The following UGT2B10 variants were observed in gnomAD, a reference collection of about 807,000 sequenced individuals.
The protein encoded by UGT2B10 is UDP-glucuronosyltransferase 2B10.
Under a neutral mutation model 43.7 loss-of-function variants are expected in UGT2B10, and 51 were observed. That is an observed-to-expected ratio of 1.17 (90% CI 0.93 to 1.47). The LOEUF is 1.47. Among genes scored for constraint, UGT2B10 ranks in the 40% most tolerant of loss-of-function variants. The pLI is 0.00. For synonymous variants in UGT2B10, 225 were observed against 209.0 expected, an observed-to-expected ratio of 1.08 and a Z score of -0.66; for missense variants, 696 against 617.7, an observed-to-expected ratio of 1.13 and a Z score of -1.34.
intron 3 of UGT2B10, among the ~76,000 whole-genome samples, chr4:68,825,221 A>C (rs1737712009): frequency 7.4e-6 from 1 of 134,570 alleles, no homozygotes; most frequent in South Asian, 2.6e-4. Context: ...AAAACAAAAT[A>C]AACATATAGG....
chr4:68,822,392 T>A lies in UGT2B10; in HGVS notation c.989T>A (p.Ile330Asn), dbSNP rs782243710. 10 of 1,613,484 alleles carry A rather than the reference T, an allele frequency of 6.2e-6. No homozygotes were observed. In the South Asian group the frequency reaches 1.1e-4, roughly 18 times the overall value. Residue 330 changes from isoleucine (I) to asparagine (N), a missense_variant, in exon 3 of 6, where the codon ATC (isoleucine) becomes AAC (asparagine). Transcript: ENST00000265403. ...GTAATTGCAACAGCCCTTGCCAAGA[T>A]CCCACAAAAGGTAAGATAAAGTGCC... ...ANVIATALAKIPQKVLWRFDG... is the reference protein window; with the variant it reads ...ANVIATALAKNPQKVLWRFDG...
chr4:68,825,872 G>C (rs1258886666), intron 3 of UGT2B10, among the ~76,000 whole-genome samples: 1 of 152,024 alleles, frequency 6.6e-6, no homozygotes, highest in East Asian at 1.9e-4. Flanking sequence ...GGATTGCTGG[G>C]TTTCATGGTA....
rs770033962 is a variant in UGT2B10, at chr4:68,830,673, T to A, written c.1381T>A (p.Phe461Ile). The change falls in exon 6 of 6, where the codon TTC becomes ATC. Residue 461 changes from phenylalanine (F) to isoleucine (I), a missense_variant. Transcript: ENST00000265403. ...QPVKPLDRAV[F>I]WIEFVMRHKG... Reference sequence around the variant, plus strand: ...AGTGAAGCCCCTGGATCGAGCAGTCTTCTGGATTGAATTTGTCATGCGCCA... The same window carrying A: ...AGTGAAGCCCCTGGATCGAGCAGTCATCTGGATTGAATTTGTCATGCGCCA... The A allele has an allele frequency of 1.2e-6, 2 of 1,613,256 alleles. 1 individual carries two copies. The highest frequency in any genetic ancestry group is 3.3e-5 in the Admixed American group (2 of 59,928).
At chr4:68,828,648 G>T (rs116617571) in intron 5 of UGT2B10, among the ~76,000 whole-genome samples, 9 of 151,764 alleles carry the variant, frequency 5.9e-5, no homozygotes, top group African/African-American at 2.2e-4. Context: ...GACATAAAAC[G>T]TTTGAAGAAC....
At chr4:68,820,042 T>C (rs1160171804) in intron 2 of UGT2B10, among the ~76,000 whole-genome samples, 1 of 151,912 alleles carries the variant, frequency 6.6e-6, no homozygotes, top group South Asian at 2.1e-4. Context: ...GTAAGACTAA[T>C]GAAAAATATA....
intron 3 of UGT2B10, among the ~76,000 whole-genome samples, chr4:68,825,555 C>G (rs1229317070): frequency 6.6e-6 from 1 of 152,042 alleles, no homozygotes; most frequent in Non-Finnish European, 1.5e-5. Context: ...GTGTTCTCAT[C>G]TTTTAGCTTC....
intron 1 of UGT2B10, among the ~76,000 whole-genome samples, chr4:68,816,943 T>C (rs1197502725): frequency 6.6e-6 from 1 of 151,826 alleles, no homozygotes; most frequent in East Asian, 1.9e-4. Flanking sequence ...CCATCACTCA[T>C]ACAGAACACC....
chr4:68,816,762 A>G (rs376492506), intron 1 of UGT2B10, 25 bp downstream of exon 1: 2 of 1,536,308 alleles, frequency 1.3e-6, no homozygotes, highest in Non-Finnish European at 1.8e-6. Flanking sequence ...AATTAGTAAC[A>G]TGAAGCTCTA....
At chr4:68,829,873 A>T (rs934433229) in intron 5 of UGT2B10, among the ~76,000 whole-genome samples, 2 of 152,074 alleles carry the variant, frequency 1.3e-5, no homozygotes, top group Non-Finnish European at 2.9e-5. Context: ...GTTGGATTTT[A>T]TTCTTAAAAT....
chr4:68,829,340 A>G (rs1406038728), intron 5 of UGT2B10, among the ~76,000 whole-genome samples: 1 of 152,078 alleles, frequency 6.6e-6, no homozygotes, highest in Non-Finnish European at 1.5e-5. Context: ...AATGGTTCAG[A>G]AAAAGAGAGC....
chr4:68,830,718 C>A lies in UGT2B10; in HGVS notation c.1426C>A (p.Arg476=), dbSNP rs754651977. The A allele has an allele frequency of 6.2e-7, 1 of 1,613,442 alleles. No homozygotes were observed. Among genetic ancestry groups the A allele is most frequent in the Non-Finnish European group, 8.5e-7 (1 of 1,179,544 alleles). ...VMRHKGAKHL[R]VAAHNLTWFQ... is the part of the protein sequence containing the mutation. The stretch of plus-strand genomic sequence containing the variant: ...GCGCCACAAAGGAGCCAAACATCTT[C>A]GAGTTGCAGCCCACAACCTCACCTG... Residue 476 remains arginine, a synonymous_variant, in exon 6 of 6, where the codon CGA becomes AGA. Transcript: ENST00000265403.
chr4:68,816,607 T>C lies in UGT2B10; in HGVS notation c.588T>C (p.Val196=), dbSNP rs781022832. 87 of 1,612,870 alleles carry C rather than the reference T, an allele frequency of 5.4e-5. No homozygotes were observed. Among genetic ancestry groups the C allele is most frequent in the Non-Finnish European group, 6.8e-5 (80 of 1,179,310 alleles). ...FIFPPSYVPV[V]MSKLSDQMTF... ...TCCCTCCTTCCTACGTACCTGTTGT[T>C]ATGTCAAAATTAAGTGATCAAATGA... Residue 196 remains valine (V), a synonymous_variant, in exon 1 of 6, where the codon GTT becomes GTC. Coordinates refer to ENST00000265403, the MANE Select transcript of UGT2B10 (RefSeq NM_001075.6).
At chr4:68,826,564 C>A in intron 4 of UGT2B10, 67 bp downstream of exon 4, 5 of 1,501,036 alleles carry the variant, frequency 3.3e-6, no homozygotes, top group East Asian at 2.4e-5. Context: ...TAGTTCATCT[C>A]GAAGCATGCT....
chr4:68,822,802 G>T (rs1737577015), intron 3 of UGT2B10, among the ~76,000 whole-genome samples: 1 of 152,096 alleles, frequency 6.6e-6, no homozygotes, highest in Non-Finnish European at 1.5e-5. Context: ...TGACTTTCAG[G>T]TGTTTTCAAC....
chr4:68,823,177 G>A (rs536692755), intron 3 of UGT2B10, among the ~76,000 whole-genome samples: 1 of 152,138 alleles, frequency 6.6e-6, no homozygotes, highest in African/African-American at 2.4e-5. Context: ...GGAGAGTAGG[G>A]GAGTAAAAAG....
intron 3 of UGT2B10, among the ~76,000 whole-genome samples, chr4:68,824,385 C>A (rs973738413): frequency 2.6e-5 from 4 of 152,272 alleles, no homozygotes; most frequent in Non-Finnish European, 2.9e-5. Flanking sequence ...CACAAGGACT[C>A]AGCACTAATT....
chr4:68,831,525 T>A lies in UGT2B10; in HGVS notation c.*646T>A, dbSNP rs949025245. 5.3e-4 allele frequency among the ~76,000 whole-genome samples: 81 copies of A among 152,204 alleles called. 1 individual carries two copies. Among genetic ancestry groups the A allele is most frequent in the Non-Finnish European group, 1.1e-3 (74 of 67,996 alleles). ...GATATTCTTGAAATCAGAAATGTGCTCCCTAATTATATGAAATGTTGTTTG... is the reference window on the plus strand; with the variant it reads ...GATATTCTTGAAATCAGAAATGTGCACCCTAATTATATGAAATGTTGTTTG... On this transcript the variant is annotated 3_prime_UTR_variant, in exon 6 of 6. Coordinates refer to ENST00000265403, the MANE Select transcript of UGT2B10 (RefSeq NM_001075.6).
intron 3 of UGT2B10, 49 bp downstream of exon 3, chr4:68,822,451 T>C: frequency 1.9e-6 from 3 of 1,608,172 alleles, no homozygotes; most frequent in South Asian, 1.1e-5. Context: ...AAGAGGCTGT[T>C]AAAGTTTGTG....
intron 1 of UGT2B10, 22 bp from the exon 2 acceptor site, chr4:68,818,007 T>G: frequency 6.3e-7 from 1 of 1,596,566 alleles, no homozygotes; most frequent in Non-Finnish European, 8.5e-7. Context: ...CATCCACTTC[T>G]TCTTTTCTTT....
Sources: allele counts gnomAD v4.1 joint callset (sites outside exome capture counted in the v4.1 genomes callset), GRCh38; gene constraint gnomAD v4.1.1; transcripts MANE v1.5; gene names NCBI Gene and HGNC (gene_info 2026-07-23, HGNC 2026-07-21).